The following COL5A1 variants were observed in gnomAD, a reference collection of about 807,000 sequenced individuals.
COL5A1 encodes collagen type V alpha 1 chain.
A neutral mutation model predicts 263.7 loss-of-function variants in COL5A1; 16 were observed. The observed-to-expected ratio is 0.06, with a 90% confidence interval of 0.04 to 0.09. COL5A1 has a LOEUF of 0.09. Ranked by LOEUF, COL5A1 falls within the 10% of genes least tolerant of loss-of-function variation. The probability of loss-of-function intolerance (pLI) is 1.00; values close to 1 mark genes in which losing one functional copy is unlikely to be tolerated. For synonymous variants in COL5A1, 1,012 were observed against 1,004.5 expected, an observed-to-expected ratio of 1.01 and a Z score of -0.14; for missense variants, 2,036 against 2,540.5, an observed-to-expected ratio of 0.80 and a Z score of 4.27.
chr9:134,697,045 T>G (rs975849058), intron 2 of COL5A1, among the ~76,000 whole-genome samples: 3 of 151,380 alleles, frequency 2.0e-5, no homozygotes, highest in African/African-American at 7.3e-5. Context: ...CACTCCAGCC[T>G]GGGCAACAGA....
rs7025035 is a variant in COL5A1 at position 134,757,110 on chromosome 9, G to T, written c.1881+292G>T. Reference sequence around the variant, plus strand: ...TCCGTGGCCGTGCAGGTGACGAGGCGCATGTAGGGCAGAGGCGGGGCATAT... The same window carrying T: ...TCCGTGGCCGTGCAGGTGACGAGGCTCATGTAGGGCAGAGGCGGGGCATAT... On this transcript the variant is annotated intron_variant, in intron 17 of 65. Transcript: ENST00000371817. This position sits in a 1 kb window ranked among gnomAD's most constrained non-coding sequence, Gnocchi z 6.2. Among the ~76,000 whole-genome samples the T allele has an allele frequency of 6.6e-6, 1 of 152,096 alleles. No individual in the cohort carries two copies. Among genetic ancestry groups the T allele is most frequent in the Non-Finnish European group, 1.5e-5 (1 of 68,022 alleles).
In COL5A1 at chr9:134,820,149, C is replaced by G; in HGVS notation, c.4480C>G (p.Pro1494Ala). ...HPGLIGLIGP[P>A]GEQGEKGDRG... is the part of the protein sequence containing the mutation. ...AGGCCTGATCGGGCTCATCGGTCCT[C>G]CGGGTGAACAGGGTGAGAAGGGCGA... The change falls in exon 58 of 66, where the codon CCG (proline) becomes GCG (alanine). Residue 1494 changes from proline to alanine, a missense_variant. Coordinates refer to ENST00000371817, the MANE Select transcript of COL5A1 (RefSeq NM_000093.5). 4 of 1,614,034 alleles carry G rather than the reference C, an allele frequency of 2.5e-6. No individual in the cohort carries two copies. The highest frequency in any genetic ancestry group is 3.4e-6 in the Non-Finnish European group (4 of 1,179,998).
chr9:134,785,324 C>T (rs763745824), intron 30 of COL5A1, among the ~76,000 whole-genome samples: 7 of 152,200 alleles, frequency 4.6e-5, no homozygotes, highest in South Asian at 2.1e-4. Context: ...CCTCCACCAT[C>T]GCCTTGGAAG....
chr9:134,786,245 T>C (rs1354818476), intron 31 of COL5A1, among the ~76,000 whole-genome samples, 197 bp downstream of exon 31: 1 of 152,182 alleles, frequency 6.6e-6, no homozygotes, highest in Non-Finnish European at 1.5e-5. Flanking sequence ...CATCCAGCTA[T>C]GTTAGGTGTC....
intron 1 of COL5A1, among the ~76,000 whole-genome samples, chr9:134,645,829 A>G (rs894342862): frequency 6.6e-6 from 1 of 152,194 alleles, no homozygotes; most frequent in African/African-American, 2.4e-5. Flanking sequence ...GGAGAAGGCC[A>G]GGGCCCTGAG....
At position 134,842,290 on chromosome 9, in the gene COL5A1, G is replaced by C. The variant is rs1060502246; in HGVS notation, c.5504G>C (p.Cys1835Ser). 1 of 1,614,194 alleles carries C rather than the reference G, an allele frequency of 6.2e-7. No individual in the cohort carries two copies. The highest frequency in any genetic ancestry group is 8.5e-7 in the Non-Finnish European group (1 of 1,180,024). ...TTTGGATTTGAAGTGGGGCCGGCTT[G>C]CTTCATGGGCTAGGAGCCGCCGAGC... ...QKFGFEVGPACFMG is the reference protein window; with the variant it reads ...QKFGFEVGPASFMG Residue 1835 changes from cysteine to serine, a missense_variant, in exon 66 of 66, where the codon TGC (cysteine) becomes TCC (serine). Physicochemically the swap from Cys to Ser is moderately radical, Grantham distance 112 (BLOSUM62 -1). Transcript: ENST00000371817. The surrounding 1 kb of genome is among the most constrained non-coding windows in gnomAD (Gnocchi z 5.8).
intron 2 of COL5A1, among the ~76,000 whole-genome samples, chr9:134,699,161 C>T (rs760613676): frequency 3.3e-5 from 5 of 152,166 alleles, no homozygotes; most frequent in Non-Finnish European, 7.3e-5. Flanking sequence ...CCCGGTCATG[C>T]CCACGGATGA....
At chr9:134,685,464 CCATT>C (rs1564386576) in intron 1 of COL5A1, among the ~76,000 whole-genome samples, 7 of 58,220 alleles carry the variant, frequency 1.2e-4, no homozygotes, top group East Asian at 9.0e-4. Flanking sequence ...ATCCATCCAT[CCATT>C]CATCCATCCA....
intron 2 of COL5A1, among the ~76,000 whole-genome samples, chr9:134,693,248 C>T (rs994153391): frequency 1.3e-5 from 2 of 151,536 alleles, no homozygotes; most frequent in Non-Finnish European, 2.9e-5. Flanking sequence ...GCGAGGTTAC[C>T]GTGACACAGT....
At position 134,811,577 on chromosome 9, in the gene COL5A1, C is replaced by A; in HGVS notation, c.3668C>A (p.Pro1223His). Reference sequence around the variant, plus strand: ...GAAGGTCCCAGAGGCTTTCCTGGACCCCCTGGGCCAGTGGGGCTGCAGGTA... The same window carrying A: ...GAAGGTCCCAGAGGCTTTCCTGGACACCCTGGGCCAGTGGGGCTGCAGGTA... ...GDEGPRGFPG[P>H]PGPVGLQGLP... is the part of the protein sequence containing the mutation. The change falls in exon 46 of 66, where the codon CCC (proline) becomes CAC (histidine). Residue 1223 changes from proline to histidine, a missense_variant. Pro to His is a moderately conservative substitution (Grantham distance 77). This residue lies in a region of COL5A1 where 1,078 missense variants were observed against 1,521.4 expected (regional missense o/e 0.71). Transcript: ENST00000371817. The A allele has an allele frequency of 3.2e-6, 5 of 1,561,648 alleles. No homozygotes were observed. The highest frequency in any genetic ancestry group is 3.5e-6 in the Non-Finnish European group (4 of 1,152,472).
chr9:134,832,157 G>A (rs1839661217), intron 64 of COL5A1, among the ~76,000 whole-genome samples: 1 of 152,160 alleles, frequency 6.6e-6, no homozygotes, highest in South Asian at 2.1e-4. Flanking sequence ...TGTAATCCCA[G>A]CACTTTGGGA....
intron 42 of COL5A1, 165 bp from the exon 43 acceptor site, chr9:134,809,018 G>T (rs1323697516): frequency 2.6e-5 from 18 of 691,540 alleles, no homozygotes; most frequent in Non-Finnish European, 4.0e-5. Context: ...CGGGCTCAGA[G>T]TCGGCCCTCA....
intron 18 of COL5A1, among the ~76,000 whole-genome samples, chr9:134,759,256 G>C (rs1836118141): frequency 9.1e-6 from 1 of 109,434 alleles, no homozygotes; most frequent in Admixed American, 9.4e-5. Context: ...ACACATGTGT[G>C]CGCGCACACA....
At chr9:134,710,874 TG>T (rs1367467309) in intron 4 of COL5A1, among the ~76,000 whole-genome samples, 1 of 59,634 alleles carries the variant, frequency 1.7e-5, no homozygotes, top group African/African-American at 7.4e-5. Context: ...AGTGCAGTGG[TG>T]GGGGAGGAGC....
At chr9:134,760,074 G>GCA (rs138252977) in intron 18 of COL5A1, among the ~76,000 whole-genome samples, 4,696 of 53,180 alleles carry the variant, frequency 0.088, 464 homozygotes, top group African/African-American at 0.24. Flanking sequence ...ACTCATACAT[G>GCA]CACACACGCA....
chr9:134,766,126 G>A (rs1836652824), intron 21 of COL5A1, among the ~76,000 whole-genome samples: 1 of 152,324 alleles, frequency 6.6e-6, no homozygotes, highest in Non-Finnish European at 1.5e-5. Context: ...CAGTGGGGCT[G>A]TGTCCCGGTG....
chr9:134,707,814 C>T (rs1318732608), intron 4 of COL5A1, among the ~76,000 whole-genome samples: 1 of 152,238 alleles, frequency 6.6e-6, no homozygotes, highest in African/African-American at 2.4e-5. Flanking sequence ...AGCTCTGGAG[C>T]CCGCAGCCCA....
chr9:134,806,135 C>G (rs965595521), intron 41 of COL5A1, 54 bp from the exon 42 acceptor site: 4 of 1,344,908 alleles, frequency 3.0e-6, no homozygotes, highest in East Asian at 2.5e-5. Flanking sequence ...TACAAAGTCA[C>G]GACCACGCAG....
chr9:134,702,067 G>A (rs1164588341), intron 4 of COL5A1, among the ~76,000 whole-genome samples: 1 of 152,110 alleles, frequency 6.6e-6, no homozygotes, highest in Non-Finnish European at 1.5e-5. Context: ...GGGGTTCCAG[G>A]GCCCTGCCTC....
Sources: allele counts gnomAD v4.1 joint callset (sites outside exome capture counted in the v4.1 genomes callset), GRCh38; gene constraint gnomAD v4.1.1; regional missense constraint gnomAD v4.1.1; non-coding constraint Gnocchi (gnomAD v3.1); transcripts MANE v1.5; gene names NCBI Gene and HGNC (gene_info 2026-07-23, HGNC 2026-07-21).